Variants in RBBP5 observed in about 807,000 individuals in gnomAD.
RBBP5 encodes RB binding protein 5, histone lysine methyltransferase complex subunit.
In RBBP5, 5 loss-of-function variants were observed where a neutral mutation model predicts 72.2. The observed-to-expected ratio is 0.07, with a 90% CI of 0.04 to 0.15. RBBP5 has a LOEUF of 0.15. Ranked by LOEUF, RBBP5 falls within the 10% of genes least tolerant of loss-of-function variation. The probability of loss-of-function intolerance (pLI) is 1.00; values close to 1 mark genes in which losing one functional copy is unlikely to be tolerated. For synonymous variants in RBBP5, 209 were observed against 237.2 expected (o/e 0.88, Z 1.09); for missense variants, 322 against 652.2 (o/e 0.49, Z 5.51).
At chr1:205,109,404 CA>C (rs1240541077) in intron 3 of RBBP5, among the ~76,000 whole-genome samples, 1 of 152,006 alleles carries the variant, frequency 6.6e-6, no homozygotes, top group Admixed American at 6.6e-5. Context: ...AAATAGCCCC[CA>C]AAAATAGAAG....
chr1:205,096,959 T>C, intron 11 of RBBP5, 48 bp from the exon 12 acceptor site: 1 of 1,502,166 alleles, frequency 6.7e-7, no homozygotes, highest in Non-Finnish European at 9.0e-7. Context: ...GAGGAGATAG[T>C]TGCTTAAACC....
At chr1:205,089,625 G>C (rs1426546508) in intron 13 of RBBP5, among the ~76,000 whole-genome samples, 3 of 152,170 alleles carry the variant, frequency 2.0e-5, no homozygotes, top group African/African-American at 7.2e-5. Context: ...GATTTTTGAA[G>C]TTCCTGCACA....
At position 205,096,749 on chromosome 1, in the gene RBBP5, A is replaced by G. The variant is rs1373931855; in HGVS notation, c.1329T>C (p.Asp443=). 1 of 1,614,098 alleles carries G rather than the reference A, an allele frequency of 6.2e-7. No homozygotes were observed. Among genetic ancestry groups the G allele is most frequent in the East Asian group, 2.2e-5 (1 of 44,894 alleles). ...GTTTCTTCTTAGGTGGCTGGGACCC[A>G]TCTGCTGAGGACTGCCTCTTCTTCT... ...SSEKKRQSSA[D]GSQPPKKKPK... is the part of the protein sequence containing the mutation. The change falls in exon 12 of 14, where the codon GAT becomes GAC. Residue 443 remains aspartate (D), a synonymous_variant. Coordinates refer to ENST00000264515, the MANE Select transcript of RBBP5 (RefSeq NM_005057.4).
At chr1:205,098,876 A>C in intron 10 of RBBP5, 113 bp downstream of exon 10, 35 of 416,682 alleles carry the variant, frequency 8.4e-5, no homozygotes, top group Non-Finnish European at 1.2e-4. Flanking sequence ...TGTGGGGTGG[A>C]GGGGGGCATT....
At chr1:205,112,266 C>T (rs573827589) in intron 3 of RBBP5, among the ~76,000 whole-genome samples, 4 of 151,930 alleles carry the variant, frequency 2.6e-5, no homozygotes, top group Non-Finnish European at 4.4e-5. Flanking sequence ...TGCAGTGAGC[C>T]GAGATCGCAC....
intron 1 of RBBP5, among the ~76,000 whole-genome samples, chr1:205,118,544 C>T (rs1296777840): frequency 3.3e-5 from 5 of 151,958 alleles, no homozygotes; most frequent in African/African-American, 2.4e-5. Flanking sequence ...ACCCAGGAGG[C>T]GGAGGTTGCA....
rs544516714 is a variant in RBBP5 at position 205,103,072 on chromosome 1, C to T, written c.522+785G>A. ...CCTATAATCACGGCACTTTAGGAGG[C>T]TGAGGTGGGCGGATCACTTGAGGTC... On this transcript the variant is annotated intron_variant, in intron 5 of 13. Coordinates refer to ENST00000264515, the MANE Select transcript of RBBP5 (RefSeq NM_005057.4). Among the ~76,000 whole-genome samples, 2 of 150,242 alleles carry T rather than the reference C, an allele frequency of 1.3e-5. 1 individual carries two copies. Among genetic ancestry groups the T allele is most frequent in the Admixed American group, 1.3e-4 (2 of 15,072 alleles).
intron 10 of RBBP5, among the ~76,000 whole-genome samples, chr1:205,098,519 T>C (rs1366378889): frequency 6.6e-6 from 1 of 152,014 alleles, no homozygotes; most frequent in Non-Finnish European, 1.5e-5. Context: ...GTGGAAATTG[T>C]GTAAGCTTAA....
Position 205,087,599 on chromosome 1 carries a change from A to T in RBBP5, c.*1188T>A, listed in dbSNP as rs1379944681. The T allele has an allele frequency of 6.6e-6, 1 of 151,316 alleles. No individual in the cohort carries two copies. The highest frequency in any genetic ancestry group is 1.9e-4 in the East Asian group (1 of 5,152). The allele number at this position is 151,316 out of a possible 1,614,324, so 9.4% of individuals were successfully genotyped here. On this transcript the variant is annotated 3_prime_UTR_variant, in exon 14 of 14. Coordinates refer to ENST00000264515, the MANE Select transcript of RBBP5 (RefSeq NM_005057.4). ...AAGACGATCCAGATTAAGCACTTCC[A>T]GTCAGCTAAAAACGCCACTCAGAGA... is the stretch of plus-strand genomic sequence containing the variant.
intron 12 of RBBP5, among the ~76,000 whole-genome samples, chr1:205,095,647 G>A (rs1436672672): frequency 6.6e-6 from 1 of 152,144 alleles, no homozygotes; most frequent in Non-Finnish European, 1.5e-5. Context: ...ATGGACTTTG[G>A]AACTAGAGAG....
intron 1 of RBBP5, chr1:205,116,355 T>C (rs1289440870): frequency 2.7e-6 from 1 of 366,698 alleles, no homozygotes; most frequent in Non-Finnish European, 5.6e-6. Flanking sequence ...CACTGGTAGG[T>C]AGATATCACC....
chr1:205,110,566 G>A (rs1262978524), intron 3 of RBBP5, among the ~76,000 whole-genome samples: 4 of 152,016 alleles, frequency 2.6e-5, no homozygotes, highest in Non-Finnish European at 4.4e-5. Context: ...AAGTGGAAAA[G>A]CAAGCTACAG....
chr1:205,089,097 A>G (rs1470222445), intron 13 of RBBP5, among the ~76,000 whole-genome samples: 1 of 152,192 alleles, frequency 6.6e-6, no homozygotes, highest in Non-Finnish European at 1.5e-5. Context: ...CTAAGCTGCT[A>G]ACCATGCTCT....
At chr1:205,104,765 GGAGGCA>G (rs1655986485) in intron 4 of RBBP5, among the ~76,000 whole-genome samples, 1 of 152,114 alleles carries the variant, frequency 6.6e-6, no homozygotes, top group Non-Finnish European at 1.5e-5. Context: ...CTTGAACCCA[GGAGGCA>G]GAGGTTGTGT....
chr1:205,121,566 G>A (rs754309512), intron 1 of RBBP5, among the ~76,000 whole-genome samples: 4 of 152,154 alleles, frequency 2.6e-5, no homozygotes, highest in Non-Finnish European at 5.9e-5. Flanking sequence ...CTCTGGTCCT[G>A]GCTGCTCTGG....
chr1:205,097,207 T>G (rs1655651657), intron 11 of RBBP5, 119 bp downstream of exon 11: 11 of 977,880 alleles, frequency 1.1e-5, no homozygotes, highest in Non-Finnish European at 1.7e-5. Flanking sequence ...CCAAACGAGT[T>G]ATCTCTTTTA....
Position 205,086,565 on chromosome 1 carries a change from G to A in RBBP5, c.*2222C>T, listed in dbSNP as rs1655149831. On this transcript the variant is annotated 3_prime_UTR_variant, in exon 14 of 14. Transcript: ENST00000264515. ...AATATTTTTAAAAACAAAATTTTGG[G>A]GGTGGCAGGGCAGGGATGACAAAAA... is the stretch of plus-strand genomic sequence containing the variant. 6.6e-6 allele frequency: 1 copy of A among 151,988 alleles called. No individual in the cohort carries two copies. Among genetic ancestry groups the A allele is most frequent in the Non-Finnish European group, 1.5e-5 (1 of 68,008 alleles). 9.4% of individuals were successfully genotyped at this position (151,988 alleles called of 1,614,324 possible). A position where few individuals can be genotyped will look rare whatever the true frequency, so the allele number is the denominator to read the frequency against.
intron 3 of RBBP5, among the ~76,000 whole-genome samples, chr1:205,110,265 G>A (rs1005500068): frequency 1.3e-5 from 2 of 151,934 alleles, no homozygotes; most frequent in Admixed American, 1.3e-4. Flanking sequence ...AGTGATTGGT[G>A]AGCCTCGGCC....
rs962689564 is a variant in RBBP5, at chr1:205,099,524, T to C, written c.978+217A>G. 2.0e-5 allele frequency among the ~76,000 whole-genome samples: 3 copies of C among 152,166 alleles called. No individual in the cohort carries two copies. The highest frequency in any genetic ancestry group is 6.5e-5 in the Admixed American group (1 of 15,272). On this transcript the variant is annotated intron_variant, in intron 9 of 13. Coordinates refer to ENST00000264515, the MANE Select transcript of RBBP5 (RefSeq NM_005057.4). This position sits in a 1 kb window ranked among gnomAD's most constrained non-coding sequence, Gnocchi z 4.7. The stretch of plus-strand genomic sequence containing the variant: ...TAGAAAAATGCAACAGAAAGTTCAA[T>C]AGAGTTTCTCCCTGAAAAGAGCCAG...
Sources: gnomAD v4.1 joint callset for allele counts (sites outside exome capture counted in the v4.1 genomes callset) on GRCh38, gnomAD v4.1.1 for gene constraint, Gnocchi (gnomAD v3.1) non-coding constraint, MANE v1.5 for transcripts, NCBI Gene and HGNC (gene_info 2026-07-23, HGNC 2026-07-21) for gene names.